SLC36A1: variants seen among roughly 807,000 people sequenced by gnomAD.
SLC36A1 encodes the protein solute carrier family 36 member 1, also known as proton-coupled amino acid transporter 1.
In SLC36A1, 30 loss-of-function variants were observed where a neutral mutation model predicts 47.5. That is an observed-to-expected ratio of 0.63 (90% confidence interval 0.47 to 0.86). SLC36A1 has a LOEUF of 0.86. Among genes scored for constraint, SLC36A1 ranks in the 40% least tolerant of loss-of-function variants. The pLI is 0.00. For missense variants in SLC36A1, 517 were observed against 606.0 expected (o/e 0.85, Z 1.54); for synonymous variants, 255 against 249.7 (o/e 1.02, Z -0.20).
the SLC36A1 span, among the ~76,000 whole-genome samples, chr5:151,364,007 A>C: frequency 1.3e-5 from 2 of 152,218 alleles, no homozygotes; most frequent in Non-Finnish European, 2.9e-5. Context: ...TATGTACTAT[A>C]GTTAATTTTA....
At chr5:151,438,635 C>T (rs1233149467) in intron 1 of SLC36A1, among the ~76,000 whole-genome samples, 1 of 152,194 alleles carries the variant, frequency 6.6e-6, no homozygotes, top group East Asian at 1.9e-4. Flanking sequence ...TCTGACACTC[C>T]TGTCATTGTG....
At chr5:151,465,945 T>TAAAAA (rs35854261) in intron 5 of SLC36A1, among the ~76,000 whole-genome samples, 2 of 146,950 alleles carry the variant, frequency 1.4e-5, no homozygotes, top group Non-Finnish European at 1.5e-5. Flanking sequence ...TAAAAATTCT[T>TAAAAA]AAAAAAAAAA....
At chr5:151,540,747 GC>G in the SLC36A1 span, 1 of 1,613,822 alleles carries the variant, frequency 6.2e-7, no homozygotes. Context: ...TGCCAAACTG[GC>G]CCAGGGGGTC....
the SLC36A1 span, among the ~76,000 whole-genome samples, chr5:151,355,152 A>G: frequency 1.3e-5 from 2 of 152,152 alleles, no homozygotes; most frequent in African/African-American, 4.8e-5. Flanking sequence ...TTATCCATGC[A>G]AGCAAGGGGC....
the SLC36A1 span, chr5:151,554,519 A>G: frequency 1.2e-6 from 2 of 1,614,226 alleles, no homozygotes; most frequent in Non-Finnish European, 1.7e-6. Flanking sequence ...CAGCCTGTAC[A>G]CAGGCCCAGG....
intron 10 of SLC36A1, among the ~76,000 whole-genome samples, chr5:151,485,366 G>T (rs942824703): frequency 6.6e-6 from 1 of 152,196 alleles, no homozygotes; most frequent in Non-Finnish European, 1.5e-5. Flanking sequence ...CCTTGTACCC[G>T]TTTGCTGTCA....
the SLC36A1 span, among the ~76,000 whole-genome samples, chr5:151,366,230 C>T: frequency 3.5e-3 from 529 of 152,290 alleles, 4 homozygotes; most frequent in Non-Finnish European, 5.8e-3. Flanking sequence ...AGGAATAGAA[C>T]TCAGATCCTC....
chr5:151,380,056 G>A, the SLC36A1 span, among the ~76,000 whole-genome samples: 4 of 151,992 alleles, frequency 2.6e-5, no homozygotes, highest in African/African-American at 4.8e-5. Context: ...GTGTAAAAAC[G>A]ATACAGGAAA....
At chr5:151,458,312 GTATATA>G (rs35929969) in intron 1 of SLC36A1, among the ~76,000 whole-genome samples, 1,288 of 111,214 alleles carry the variant, frequency 0.012, 34 homozygotes, top group East Asian at 0.044. Flanking sequence ...GTGTATATAC[GTATATA>G]TATATATATA....
the SLC36A1 span, among the ~76,000 whole-genome samples, chr5:151,393,776 T>A: frequency 6.6e-6 from 1 of 152,164 alleles, no homozygotes; most frequent in African/African-American, 2.4e-5. Flanking sequence ...AGATCAGCTG[T>A]TAGTCTGATG....
chr5:151,444,018 G>A (rs916226300), upstream of SLC36A1, among the ~76,000 whole-genome samples: 2 of 152,042 alleles, frequency 1.3e-5, no homozygotes, highest in Non-Finnish European at 2.9e-5. Flanking sequence ...GTGTTCCATT[G>A]GTCTATCATA....
At chr5:151,498,348 T>A in the SLC36A1 span, among the ~76,000 whole-genome samples, 1 of 152,200 alleles carries the variant, frequency 6.6e-6, no homozygotes, top group African/African-American at 2.4e-5. Flanking sequence ...TGGTAAAATA[T>A]CTCTAACATC....
the SLC36A1 span, among the ~76,000 whole-genome samples, chr5:151,407,356 G>A: frequency 1.7e-4 from 26 of 151,118 alleles, no homozygotes; most frequent in African/African-American, 5.1e-4. Flanking sequence ...TGATTGGTGC[G>A]TTTTTACAGA....
At chr5:151,534,416 G>C in the SLC36A1 span, 1 of 1,605,680 alleles carries the variant, frequency 6.2e-7, no homozygotes, top group Non-Finnish European at 8.5e-7. Context: ...CACCTTGGTC[G>C]GGATCCCGGG....
intron 2 of SLC36A1, among the ~76,000 whole-genome samples, chr5:151,462,424 G>A (rs779460405): frequency 3.6e-4 from 55 of 151,910 alleles, no homozygotes; most frequent in African/African-American, 1.2e-3. Flanking sequence ...GAGTGCAGTG[G>A]CACAATCTTG....
chr5:151,461,866 T>G (rs1324677378), intron 2 of SLC36A1, among the ~76,000 whole-genome samples: 1 of 152,178 alleles, frequency 6.6e-6, no homozygotes, highest in Non-Finnish European at 1.5e-5. Context: ...AAATGGGAAG[T>G]ATGCATGAAG....
At chr5:151,531,534 C>G in the SLC36A1 span, 5 of 1,602,330 alleles carry the variant, frequency 3.1e-6, no homozygotes, top group Non-Finnish European at 3.4e-6. The surrounding 1 kb of genome is among the most constrained non-coding windows in gnomAD (Gnocchi z 5.7). Context: ...GAACCCAGCG[C>G]TCCCAGAAAC....
chr5:151,540,663 C>T, the SLC36A1 span: 1 of 1,614,086 alleles, frequency 6.2e-7, no homozygotes, highest in East Asian at 2.2e-5. Context: ...TGACTCTGAG[C>T]AAGTACTTGG....
At chr5:151,422,975 A>G in the SLC36A1 span, among the ~76,000 whole-genome samples, 1 of 152,156 alleles carries the variant, frequency 6.6e-6, no homozygotes, top group African/African-American at 2.4e-5. Context: ...ACAAAAATAG[A>G]CAAAAGACCT....
Sources: allele counts gnomAD v4.1 joint callset (sites outside exome capture counted in the v4.1 genomes callset), GRCh38; gene constraint gnomAD v4.1.1; non-coding constraint Gnocchi (gnomAD v3.1); transcripts MANE v1.5; gene names NCBI Gene and HGNC (gene_info 2026-07-23, HGNC 2026-07-21).